Variants in RIT2 observed in about 807,000 individuals in gnomAD.
RIT2 encodes the protein Ras like without CAAX 2, also known as GTP-binding protein Rit2.
RIT2 carries 24 observed loss-of-function variants against 23.7 expected under a neutral mutation model. The ratio of observed to expected loss-of-function variants is 1.01; its 90% CI spans 0.73 to 1.43. The LOEUF (loss-of-function observed/expected upper bound fraction) is 1.43. RIT2 is among the 40% of genes most tolerant of loss of function. The probability of loss-of-function intolerance (pLI) is 0.00; values close to 1 mark genes in which losing one functional copy is unlikely to be tolerated. For missense variants in RIT2, 236 were observed against 266.9 expected (o/e 0.88, Z 0.81); for synonymous variants, 107 against 91.1 (o/e 1.17, Z -0.99).
chr18:42,916,868 AAGG>A (rs1251837979), intron 4 of RIT2, among the ~76,000 whole-genome samples: 4 of 152,090 alleles, frequency 2.6e-5, no homozygotes, highest in Non-Finnish European at 5.9e-5. Flanking sequence ...TTCTGAAAGG[AAGG>A]AGAAGGAAGC....
intron 2 of RIT2, among the ~76,000 whole-genome samples, chr18:42,997,614 A>C (rs543430067): frequency 1.3e-5 from 2 of 152,160 alleles, no homozygotes; most frequent in Admixed American, 6.6e-5. Context: ...GTTGTCACAG[A>C]TTTCACCTAC....
At chr18:43,057,908 G>T (rs951339143) in intron 1 of RIT2, among the ~76,000 whole-genome samples, 3 of 151,460 alleles carry the variant, frequency 2.0e-5, no homozygotes, top group African/African-American at 7.3e-5. Context: ...ATTTTGGTGT[G>T]TCTTGCCTGG....
chr18:43,019,251 C>CCT (rs1911542176), intron 2 of RIT2, among the ~76,000 whole-genome samples: 1 of 151,670 alleles, frequency 6.6e-6, no homozygotes, highest in Non-Finnish European at 1.5e-5. Context: ...AAGTGCAGGC[C>CCT]AATATCCCTA....
intron 4 of RIT2, among the ~76,000 whole-genome samples, chr18:42,810,733 AAATTTCAGAGT>A (rs1159840480): frequency 6.6e-6 from 1 of 151,990 alleles, no homozygotes; most frequent in East Asian, 1.9e-4. Context: ...AATAGGTGCT[AAATTTCAGAGT>A]AATTTCTCTA....
At chr18:43,053,660 C>T (rs892079437) in intron 1 of RIT2, among the ~76,000 whole-genome samples, 1 of 151,876 alleles carries the variant, frequency 6.6e-6, no homozygotes, top group East Asian at 1.9e-4. Flanking sequence ...TGTTCTACCT[C>T]GTATTCATTG....
At chr18:42,836,294 G>A (rs1056118871) in intron 4 of RIT2, among the ~76,000 whole-genome samples, 25 of 152,002 alleles carry the variant, frequency 1.6e-4, no homozygotes, top group African/African-American at 5.8e-4. Context: ...AATAGATTCC[G>A]TATCTATTTT....
intron 2 of RIT2, among the ~76,000 whole-genome samples, chr18:42,995,959 G>C (rs1169528603): frequency 2.0e-5 from 3 of 152,018 alleles, no homozygotes; most frequent in Admixed American, 6.6e-5. Flanking sequence ...ATATCTCCTG[G>C]TGCTATCCCC....
chr18:42,997,348 G>C (rs28679645), intron 2 of RIT2, among the ~76,000 whole-genome samples: 19,914 of 151,646 alleles, frequency 0.13, 1,502 homozygotes, highest in African/African-American at 0.18. Flanking sequence ...CTGCATTTGG[G>C]GGGGAAGAAA....
chr18:42,987,965 C>T (rs1910752559), intron 2 of RIT2, among the ~76,000 whole-genome samples: 1 of 152,134 alleles, frequency 6.6e-6, no homozygotes, highest in Admixed American at 6.5e-5. Context: ...ACCCGCATGA[C>T]CCAGACACCT....
chr18:42,772,830 C>T (rs1913582736), intron 4 of RIT2, among the ~76,000 whole-genome samples: 1 of 152,136 alleles, frequency 6.6e-6, no homozygotes, highest in African/African-American at 2.4e-5. Flanking sequence ...AAGGGAAGTC[C>T]TGGGGTAGTT....
At chr18:42,857,072 G>A (rs897688482) in intron 4 of RIT2, among the ~76,000 whole-genome samples, 7 of 151,860 alleles carry the variant, frequency 4.6e-5, no homozygotes, top group South Asian at 2.1e-4. Flanking sequence ...CGCCCACCTC[G>A]GCCTTCCAAA....
intron 4 of RIT2, among the ~76,000 whole-genome samples, chr18:42,824,844 A>G (rs1049376607): frequency 6.6e-6 from 1 of 151,902 alleles, no homozygotes; most frequent in African/African-American, 2.4e-5. Flanking sequence ...AAAAATGCAG[A>G]GCACATACTA....
intron 4 of RIT2, among the ~76,000 whole-genome samples, chr18:42,837,147 C>CTTTTTTT (rs1196949759): frequency 4.1e-5 from 2 of 48,718 alleles, no homozygotes; most frequent in Non-Finnish European, 9.5e-5. Flanking sequence ...CTTTTTTTTT[C>CTTTTTTT]TTTTTCTTTT....
At chr18:42,990,910 TTG>T (rs951053491) in intron 2 of RIT2, among the ~76,000 whole-genome samples, 2 of 87,838 alleles carry the variant, frequency 2.3e-5, no homozygotes, top group African/African-American at 7.7e-5. Flanking sequence ...TACACTGGTT[TTG>T]TTTTTTTTTT....
At chr18:42,770,681 A>G (rs1165040133) in intron 4 of RIT2, among the ~76,000 whole-genome samples, 1 of 152,158 alleles carries the variant, frequency 6.6e-6, no homozygotes, top group African/African-American at 2.4e-5. Context: ...TAAATTTTCT[A>G]CTTTTGCATG....
intron 4 of RIT2, among the ~76,000 whole-genome samples, chr18:42,828,634 T>C (rs907130491): frequency 2.6e-5 from 4 of 152,202 alleles, no homozygotes; most frequent in African/African-American, 4.8e-5. Flanking sequence ...GAATGAAAAT[T>C]GAACCTTGGT....
chr18:42,928,402 A>C (rs534137897), intron 3 of RIT2, among the ~76,000 whole-genome samples: 1 of 152,068 alleles, frequency 6.6e-6, no homozygotes. Flanking sequence ...TATTATTTGT[A>C]CAGAGCTCCT....
intron 4 of RIT2, among the ~76,000 whole-genome samples, chr18:42,827,769 G>A (rs1398924785): frequency 1.3e-5 from 2 of 151,996 alleles, no homozygotes; most frequent in East Asian, 1.9e-4. Flanking sequence ...ACTTTGGGAG[G>A]CCGAGGCGGG....
At chr18:42,958,030 T>C (rs1910013259) in intron 3 of RIT2, among the ~76,000 whole-genome samples, 1 of 151,918 alleles carries the variant, frequency 6.6e-6, no homozygotes, top group South Asian at 2.1e-4. Flanking sequence ...GGTGGGTGAG[T>C]TAAAGAGGAG....
Sources: gnomAD v4.1 joint callset for allele counts (sites outside exome capture counted in the v4.1 genomes callset) on GRCh38, gnomAD v4.1.1 for gene constraint, MANE v1.5 for transcripts, NCBI Gene and HGNC (gene_info 2026-07-23, HGNC 2026-07-21) for gene names.